Variants in EXOC4 observed in about 807,000 individuals in gnomAD.
EXOC4 encodes SEC8-like 1.
EXOC4 carries 71 observed loss-of-function variants against 107.2 expected under a neutral mutation model. That is an observed-to-expected ratio of 0.66 (90% CI 0.55 to 0.81). The LOEUF is 0.81. Among genes scored for constraint, EXOC4 ranks in the 30% least tolerant of loss-of-function variants. The pLI is 0.00. For synonymous variants in EXOC4, 456 were observed against 441.2 expected, an observed-to-expected ratio of 1.03 and a Z score of -0.42; for missense variants, 1,108 against 1,189.6, an observed-to-expected ratio of 0.93 and a Z score of 1.01.
At chr7:133,388,937 G>C (rs1290803146) in intron 7 of EXOC4, among the ~76,000 whole-genome samples, 2 of 152,150 alleles carry the variant, frequency 1.3e-5, no homozygotes, top group African/African-American at 2.4e-5. Flanking sequence ...TTGGCTGATT[G>C]CTAGCGTCAT....
rs1400200898 is a variant in EXOC4, at chr7:133,275,036, T to C, written c.141T>C (p.Leu47=). The C allele has an allele frequency of 6.2e-7, 1 of 1,613,730 alleles. No individual in the cohort carries two copies. ...VEDRENEKGR[L]EEAYEKCDRD... ...ACAGGGAAAATGAAAAGGGTCGCCT[T>C]GAAGAAGCCTACGAGAAATGTGACC... is the stretch of plus-strand genomic sequence containing the variant. The change falls in exon 2 of 18, where the codon CTT becomes CTC. Residue 47 remains leucine, a synonymous_variant. Transcript: ENST00000253861.
chr7:133,475,992 G>T (rs1370571784), intron 8 of EXOC4, among the ~76,000 whole-genome samples: 1 of 152,068 alleles, frequency 6.6e-6, no homozygotes, highest in Admixed American at 6.5e-5. Context: ...CTTGGCAACA[G>T]CTAATAGTTA....
chr7:133,885,133 G>T (rs1163491074), intron 11 of EXOC4, among the ~76,000 whole-genome samples: 1 of 152,002 alleles, frequency 6.6e-6, no homozygotes, highest in Non-Finnish European at 1.5e-5. Flanking sequence ...GACTAACATG[G>T]TGAAACCCCG....
intron 1 of EXOC4, among the ~76,000 whole-genome samples, chr7:133,271,607 G>C (rs1297084451): frequency 6.6e-6 from 1 of 152,218 alleles, no homozygotes; most frequent in Non-Finnish European, 1.5e-5. Context: ...TCTGAGCTTA[G>C]ATTCGGTTTT....
rs1563014684 is a variant in EXOC4, at chr7:133,823,861, A to ATATATATAAAT, written c.1734+6325_1734+6326insAATTATATATA. On this transcript the variant is annotated intron_variant, in intron 11 of 17. Transcript: ENST00000253861. ...ATATATATTATATATATATATATAT[A>ATATATATAAAT]TATATATATATTATATATATATATA... Among the ~76,000 whole-genome samples the ATATATATAAAT allele has an allele frequency of 3.6e-3, 62 of 17,320 alleles. 3 individuals are homozygous for ATATATATAAAT. The African/African-American group carries it at 0.039, about 11-fold the overall frequency. The allele number at this position is 17,320 out of a possible 152,430, so 11.4% of individuals were successfully genotyped here. A position where few individuals can be genotyped will look rare whatever the true frequency, so the allele number is the denominator to read the frequency against.
At chr7:133,815,839 C>G (rs190750182) in intron 10 of EXOC4, among the ~76,000 whole-genome samples, 88 of 152,350 alleles carry the variant, frequency 5.8e-4, no homozygotes, top group Middle Eastern at 3.4e-3. Flanking sequence ...CCAGGGTCAG[C>G]TCTTTCTCCT....
At chr7:133,878,425 C>T (rs1798895177) in intron 11 of EXOC4, among the ~76,000 whole-genome samples, 1 of 152,196 alleles carries the variant, frequency 6.6e-6, no homozygotes, top group African/African-American at 2.4e-5. Context: ...TCCTCTATTT[C>T]CTGTTACTAG....
the EXOC4 span, among the ~76,000 whole-genome samples, chr7:134,092,392 T>C: frequency 2.6e-5 from 4 of 152,068 alleles, no homozygotes; most frequent in African/African-American, 9.6e-5. Context: ...TCAATAGAAA[T>C]TGAGGAAGTC....
At chr7:133,852,930 A>G (rs1798266023) in intron 11 of EXOC4, among the ~76,000 whole-genome samples, 1 of 152,208 alleles carries the variant, frequency 6.6e-6, no homozygotes, top group African/African-American at 2.4e-5. Context: ...AAAAAACAAA[A>G]CAATAAATAA....
intron 11 of EXOC4, among the ~76,000 whole-genome samples, chr7:133,839,667 C>T (rs146647989): frequency 0.014 from 2,097 of 152,230 alleles, 59 homozygotes; most frequent in African/African-American, 0.048. Context: ...GTACCAAGAC[C>T]GGAATCCTGT....
intron 17 of EXOC4, among the ~76,000 whole-genome samples, chr7:134,061,230 T>C (rs577475656): frequency 2.6e-5 from 4 of 152,366 alleles, no homozygotes; most frequent in Non-Finnish European, 5.9e-5. Context: ...TCTGGCATGA[T>C]GGGCTCAGTG....
the EXOC4 span, among the ~76,000 whole-genome samples, chr7:134,072,940 C>T: frequency 6.6e-6 from 1 of 151,432 alleles, no homozygotes; most frequent in South Asian, 2.1e-4. Flanking sequence ...CATGGTAGCT[C>T]ATGCCTGTAA....
At chr7:133,623,742 G>C (rs531297355) in intron 9 of EXOC4, among the ~76,000 whole-genome samples, 1 of 152,140 alleles carries the variant, frequency 6.6e-6, no homozygotes, top group South Asian at 2.1e-4. Flanking sequence ...ATCATTTGAG[G>C]GCAAGGATAA....
chr7:133,597,915 A>G (rs1801719611), intron 9 of EXOC4, among the ~76,000 whole-genome samples: 1 of 151,928 alleles, frequency 6.6e-6, no homozygotes, highest in African/African-American at 2.4e-5. Flanking sequence ...GCTACTCTGG[A>G]GGCTGAGGCA....
chr7:133,684,500 C>T (rs1055705940), intron 10 of EXOC4, among the ~76,000 whole-genome samples: 3 of 151,836 alleles, frequency 2.0e-5, no homozygotes, highest in African/African-American at 7.3e-5. Context: ...TTTGTGGGTT[C>T]TATGTCTAAG....
chr7:134,001,308 A>G (rs1794525412), intron 15 of EXOC4, among the ~76,000 whole-genome samples: 1 of 152,164 alleles, frequency 6.6e-6, no homozygotes, highest in African/African-American at 2.4e-5. Flanking sequence ...TTGGGATCCT[A>G]AGTGTGCACT....
chr7:133,325,391 T>G (rs1367624823), intron 5 of EXOC4, among the ~76,000 whole-genome samples: 2 of 152,328 alleles, frequency 1.3e-5, no homozygotes, highest in South Asian at 2.1e-4. Flanking sequence ...CAGGAGCTCT[T>G]GTAAGGCAGG....
intron 7 of EXOC4, among the ~76,000 whole-genome samples, chr7:133,434,423 G>A (rs558953833): frequency 1.3e-5 from 2 of 152,110 alleles, no homozygotes; most frequent in Admixed American, 6.5e-5. Flanking sequence ...TTTGCCCATT[G>A]TAAACATGAT....
chr7:133,415,993 G>T (rs78228215), intron 7 of EXOC4, among the ~76,000 whole-genome samples: 1 of 152,222 alleles, frequency 6.6e-6, no homozygotes, highest in Admixed American at 6.5e-5. Context: ...CTAAGGAAAG[G>T]TTGTCAACCA....
Sources: gnomAD v4.1 joint callset for allele counts (sites outside exome capture counted in the v4.1 genomes callset) on GRCh38, gnomAD v4.1.1 for gene constraint, MANE v1.5 for transcripts, NCBI Gene and HGNC (gene_info 2026-07-23, HGNC 2026-07-21) for gene names.